CPA6: variants seen among roughly 807,000 people sequenced by gnomAD.
The protein encoded by CPA6 is carboxypeptidase B.
In CPA6, 58 loss-of-function variants were observed where a neutral mutation model predicts 63.3. The observed-to-expected ratio is 0.92, with a 90% confidence interval of 0.74 to 1.14. The LOEUF (loss-of-function observed/expected upper bound fraction) is 1.14, where lower values mean the gene tolerates loss of function less well. Ranked by LOEUF, CPA6 falls within the 50% of genes most tolerant of loss-of-function variation. The pLI is 0.00. For missense variants in CPA6, 565 were observed against 526.6 expected, an observed-to-expected ratio of 1.07 and a Z score of -0.71; for synonymous variants, 185 against 179.0, an observed-to-expected ratio of 1.03 and a Z score of -0.27.
At chr8:67,567,220 G>A (rs937314916) in intron 2 of CPA6, among the ~76,000 whole-genome samples, 2 of 152,148 alleles carry the variant, frequency 1.3e-5, no homozygotes, top group Non-Finnish European at 2.9e-5. Context: ...TCTCTTATGG[G>A]ATATCAGATA....
intron 1 of CPA6, among the ~76,000 whole-genome samples, chr8:67,725,666 T>A (rs755950177): frequency 2.6e-5 from 4 of 152,118 alleles, no homozygotes; most frequent in African/African-American, 7.2e-5. Flanking sequence ...GACCACAGAC[T>A]TGTGCCACTG....
chr8:67,540,998 T>C (rs1028220108), intron 2 of CPA6, among the ~76,000 whole-genome samples: 2 of 152,128 alleles, frequency 1.3e-5, no homozygotes, highest in Non-Finnish European at 2.9e-5. Flanking sequence ...CAGCCCTCTT[T>C]CTGGGGAGCG....
intron 1 of CPA6, among the ~76,000 whole-genome samples, chr8:67,674,508 A>T (rs1816423977): frequency 6.6e-6 from 1 of 152,228 alleles, no homozygotes; most frequent in South Asian, 2.1e-4. Context: ...TGAAAAATTA[A>T]ATTTCCCAAA....
chr8:67,536,010 G>C (rs762184899), intron 2 of CPA6, among the ~76,000 whole-genome samples: 15 of 152,164 alleles, frequency 9.9e-5, no homozygotes, highest in Non-Finnish European at 1.9e-4. Flanking sequence ...AGATCAGTTG[G>C]TTGTAGATGT....
chr8:67,553,444 C>T (rs1812993851), intron 2 of CPA6, among the ~76,000 whole-genome samples: 1 of 152,026 alleles, frequency 6.6e-6, no homozygotes, highest in Non-Finnish European at 1.5e-5. Flanking sequence ...GCTAACTTTC[C>T]ATTTGTTTGA....
intron 1 of CPA6, among the ~76,000 whole-genome samples, chr8:67,655,911 T>C (rs1815972352): frequency 6.6e-6 from 1 of 152,200 alleles, no homozygotes; most frequent in Non-Finnish European, 1.5e-5. Flanking sequence ...TCCCCTTCAT[T>C]GATCTCTGGC....
chr8:67,716,151 C>CAAAAAAAAAAAAAAAAAAAAAAAAAA (rs56275918), intron 1 of CPA6, among the ~76,000 whole-genome samples: 10 of 76,548 alleles, frequency 1.3e-4, no homozygotes, highest in African/African-American at 6.7e-4. Context: ...GAGCTTGTCT[C>CAAAAAAAAAAAAAAAAAAAAAAAAAA]AAAAAAAAAA....
chr8:67,530,264 A>G (rs1246874941), intron 2 of CPA6, among the ~76,000 whole-genome samples: 1 of 152,150 alleles, frequency 6.6e-6, no homozygotes, highest in Non-Finnish European at 1.5e-5. Context: ...ATAAATTAAA[A>G]AAATCATACA....
At chr8:67,741,613 C>T (rs1817914293) in intron 1 of CPA6, among the ~76,000 whole-genome samples, 1 of 152,168 alleles carries the variant, frequency 6.6e-6, no homozygotes, top group Admixed American at 6.5e-5. Context: ...GCATTAGATT[C>T]TCAATAGGAG....
At chr8:67,708,091 G>C (rs1346309573) in intron 1 of CPA6, among the ~76,000 whole-genome samples, 1 of 152,098 alleles carries the variant, frequency 6.6e-6, no homozygotes, top group Non-Finnish European at 1.5e-5. Context: ...CATGAGGAGA[G>C]GAATTTACCC....
At chr8:67,494,962 A>G (rs1258780855) in intron 6 of CPA6, among the ~76,000 whole-genome samples, 1 of 152,192 alleles carries the variant, frequency 6.6e-6, no homozygotes, top group Non-Finnish European at 1.5e-5. Flanking sequence ...CTTATCAAAC[A>G]GCATTCATTC....
chr8:67,523,274 A>G (rs1323450689), intron 2 of CPA6, among the ~76,000 whole-genome samples: 1 of 152,228 alleles, frequency 6.6e-6, no homozygotes, highest in African/African-American at 2.4e-5. Context: ...CACACCCATA[A>G]TCCCAGCACT....
At chr8:67,621,106 C>A (rs896250236) in intron 2 of CPA6, among the ~76,000 whole-genome samples, 1 of 152,180 alleles carries the variant, frequency 6.6e-6, no homozygotes, top group Admixed American at 6.5e-5. Flanking sequence ...CCCTGGTAGA[C>A]AACACTGCAT....
In CPA6 at chr8:67,590,730, G is replaced by A. The variant is rs1250818468; in HGVS notation, c.192+33446C>T. ...TCATATCCTTTGCCCACTTTTTGAT[G>A]GGGTTGTTTTTTTCTTGTAAATTTG... On this transcript the variant is annotated intron_variant, in intron 2 of 10. Coordinates refer to ENST00000297770, the MANE Select transcript of CPA6 (RefSeq NM_020361.5). Among the ~76,000 whole-genome samples, 5 of 151,426 alleles carry A rather than the reference G, an allele frequency of 3.3e-5. No individual in the cohort carries two copies. The South Asian group carries it at 6.3e-4, about 19-fold the overall frequency.
Position 67,713,081 on chromosome 8 carries a change from G to GTA in CPA6, c.116+32931_116+32932dup, listed in dbSNP as rs1477384059. Reference sequence around the variant, plus strand: ...TATAAGCATGTGTGTATCTGTGTGTGTATGTGTGTGTGTGTGTGTATATAT... The same window carrying GTA: ...TATAAGCATGTGTGTATCTGTGTGTGTATATGTGTGTGTGTGTGTGTATATAT... On this transcript the variant is annotated intron_variant, in intron 1 of 10. Transcript: ENST00000297770. 7.2e-5 allele frequency among the ~76,000 whole-genome samples: 5 copies of GTA among 69,792 alleles called. No individual in the cohort carries two copies. In the South Asian group the frequency reaches 2.4e-3, roughly 34 times the overall value. 45.8% of individuals were successfully genotyped at this position (69,792 alleles called of 152,430 possible).
Position 67,422,405 on chromosome 8 carries a change from C to T in CPA6, c.*99G>A, listed in dbSNP as rs1809782958. On this transcript the variant is annotated 3_prime_UTR_variant, in exon 11 of 11. Transcript: ENST00000297770. ...TTTTTAAAGTCCATAGACATGTTCA[C>T]TCTAAGCAGCTGCCCTTCTCTTTGA... is the stretch of plus-strand genomic sequence containing the variant. 3.8e-6 allele frequency: 4 copies of T among 1,044,260 alleles called. No homozygotes were observed. Among genetic ancestry groups the T allele is most frequent in the East Asian group, 4.7e-5 (2 of 42,144 alleles). The allele number at this position is 1,044,260 out of a possible 1,614,324, so 64.7% of individuals were successfully genotyped here.
intron 2 of CPA6, among the ~76,000 whole-genome samples, chr8:67,584,045 C>T (rs1813852536): frequency 6.6e-6 from 1 of 152,122 alleles, no homozygotes; most frequent in Admixed American, 6.5e-5. Context: ...GTAATCCCAG[C>T]TACTTGGGAG....
chr8:67,574,393 A>T (rs1813570068), intron 2 of CPA6, among the ~76,000 whole-genome samples: 3 of 150,180 alleles, frequency 2.0e-5, no homozygotes, highest in Non-Finnish European at 4.4e-5. Context: ...AAAAAAAAAA[A>T]GCAAATTGAA....
chr8:67,685,685 G>C (rs185048321), intron 1 of CPA6, among the ~76,000 whole-genome samples: 1 of 152,138 alleles, frequency 6.6e-6, no homozygotes, highest in African/African-American at 2.4e-5. Context: ...ACAGCTCATC[G>C]TGCCTGTAAA....
Sources: allele counts gnomAD v4.1 joint callset (sites outside exome capture counted in the v4.1 genomes callset), GRCh38; gene constraint gnomAD v4.1.1; transcripts MANE v1.5; gene names NCBI Gene and HGNC (gene_info 2026-07-23, HGNC 2026-07-21).